The following PDXDC1 variants were observed in gnomAD, a reference collection of about 807,000 sequenced individuals.
PDXDC1 encodes pyridoxal-dependent decarboxylase domain-containing protein 1.
In PDXDC1, 42 loss-of-function variants were observed where a neutral mutation model predicts 100.1. The ratio of observed to expected loss-of-function variants is 0.42; its 90% CI spans 0.33 to 0.54. The LOEUF (loss-of-function observed/expected upper bound fraction) is 0.54. PDXDC1 is among the 20% of genes least tolerant of loss of function. The pLI, the probability that PDXDC1 is intolerant of heterozygous loss-of-function variation, is 0.10. For missense variants in PDXDC1, 636 were observed against 979.2 expected (o/e 0.65, Z 4.68); for synonymous variants, 260 against 371.7 (o/e 0.70, Z 3.46).
At chr16:15,003,820 T>C (rs992500761) in intron 4 of PDXDC1, among the ~76,000 whole-genome samples, 4 of 152,168 alleles carry the variant, frequency 2.6e-5, no homozygotes, top group Admixed American at 6.5e-5. Context: ...CCGTCTCTAC[T>C]AAAAATACAA....
At chr16:15,128,196 C>T in intron 16 of PDXDC1, 1 of 1,610,848 alleles carries the variant, frequency 6.2e-7, no homozygotes, top group South Asian at 1.1e-5. Flanking sequence ...GGCAGAGGGG[C>T]AGAGCTTGGC....
intron 16 of PDXDC1, among the ~76,000 whole-genome samples, chr16:15,078,112 A>G (rs1323053098): frequency 1.3e-5 from 2 of 152,188 alleles, no homozygotes; most frequent in East Asian, 3.8e-4. Flanking sequence ...CTTCTTTGTA[A>G]ACATTCTAAA....
intron 16 of PDXDC1, among the ~76,000 whole-genome samples, chr16:15,063,704 CAAAAAAA>C (rs10664930): frequency 3.4e-5 from 3 of 89,130 alleles, no homozygotes; most frequent in African/African-American, 1.5e-4. Context: ...GACTCTGTCT[CAAAAAAA>C]AAAAAAAAAA....
downstream of PDXDC1, chr16:15,040,472 GTGAACAC>G (rs1202312020): frequency 1.6e-5 from 3 of 185,682 alleles, no homozygotes; most frequent in African/African-American, 4.7e-5. Context: ...GAATAGAACA[GTGAACAC>G]TGTGTACCTA....
intron 16 of PDXDC1, among the ~76,000 whole-genome samples, chr16:15,062,576 G>T (rs2044757259): frequency 6.6e-6 from 1 of 152,202 alleles, no homozygotes; most frequent in South Asian, 2.1e-4. Context: ...TGGAGGGTAT[G>T]TTGCAACCTG....
chr16:15,025,294 T>C (rs2042506629), intron 13 of PDXDC1: 1 of 152,412 alleles, frequency 6.6e-6, no homozygotes, highest in South Asian at 2.1e-4. Context: ...CATAGCAGTC[T>C]TGGCACTCAC....
intron 1 of PDXDC1, among the ~76,000 whole-genome samples, chr16:14,995,811 A>G (rs1307325731): frequency 3.3e-5 from 5 of 152,288 alleles, no homozygotes; most frequent in Non-Finnish European, 5.9e-5. Flanking sequence ...TATTGCCACA[A>G]TTTCAGAGCC....
chr16:15,066,957 C>T (rs1033749547), intron 16 of PDXDC1, among the ~76,000 whole-genome samples: 7 of 152,064 alleles, frequency 4.6e-5, no homozygotes, highest in Admixed American at 2.6e-4. Flanking sequence ...ATGCAGTCCT[C>T]TGTCCCCACC....
chr16:15,134,042 T>A (rs377280734), intron 16 of PDXDC1: 91 of 1,566,240 alleles, frequency 5.8e-5, no homozygotes, highest in Non-Finnish European at 6.6e-5. Flanking sequence ...CCAGCACCAG[T>A]GTCTTGTTGC....
chr16:15,146,488 A>G, the PDXDC1 span, among the ~76,000 whole-genome samples: 2 of 152,120 alleles, frequency 1.3e-5, no homozygotes, highest in Admixed American at 1.3e-4. Flanking sequence ...CACGTCTCAC[A>G]CACACCAGAA....
intron 16 of PDXDC1, among the ~76,000 whole-genome samples, chr16:15,048,846 ACTC>A (rs932105349): frequency 2.9e-5 from 4 of 140,202 alleles, no homozygotes; most frequent in African/African-American, 1.1e-4. Context: ...CTGGTCTCAA[ACTC>A]CTGGGCTCAA....
intron 16 of PDXDC1, chr16:15,131,574 G>A: frequency 1.2e-6 from 2 of 1,607,924 alleles, no homozygotes; most frequent in East Asian, 4.5e-5. Context: ...GCACGCGGGA[G>A]CGCGTGAGGA....
chr16:15,033,255 A>G (rs2043175741), intron 18 of PDXDC1, 23 bp from the exon 19 acceptor site: 1 of 1,613,820 alleles, frequency 6.2e-7, no homozygotes, highest in Admixed American at 1.7e-5. Flanking sequence ...GAGAAACTCA[A>G]GTTTGTCTCG....
downstream of PDXDC1, among the ~76,000 whole-genome samples, chr16:15,038,953 G>A (rs191301032): frequency 9.2e-5 from 14 of 152,290 alleles, no homozygotes; most frequent in Admixed American, 9.2e-4. Context: ...AAAACTTGAG[G>A]CTCAGAGAAA....
rs1057502569 is a variant in PDXDC1 at position 15,052,700 on chromosome 16, G to A, written c.1399+22644G>A. ...AATACAAAAATTAGCCGGGCATGGTGGCAGATGTCTGATACTCAGGAGGCT... is the reference window on the plus strand; with the variant it reads ...AATACAAAAATTAGCCGGGCATGGTAGCAGATGTCTGATACTCAGGAGGCT... On this transcript the variant is annotated intron_variant, in intron 16 of 16. Transcript: ENST00000535621. 5.8e-4 allele frequency among the ~76,000 whole-genome samples: 88 copies of A among 152,190 alleles called. 1 individual carries two copies. The highest frequency in any genetic ancestry group is 2.1e-3 in the African/African-American group (87 of 41,524).
At chr16:14,992,978 A>G (rs138123889) in intron 1 of PDXDC1, among the ~76,000 whole-genome samples, 1,055 of 152,088 alleles carry the variant, frequency 6.9e-3, no homozygotes, top group African/African-American at 0.024. Flanking sequence ...CTGCCTCCCA[A>G]GTAGCTAGGT....
At chr16:14,998,610 G>A (rs1335692393) in intron 3 of PDXDC1, among the ~76,000 whole-genome samples, 1 of 152,244 alleles carries the variant, frequency 6.6e-6, no homozygotes, top group African/African-American at 2.4e-5. Context: ...CACCATATCT[G>A]GCTAATTTTT....
chr16:15,149,780 A>C, the PDXDC1 span, among the ~76,000 whole-genome samples: 6 of 152,208 alleles, frequency 3.9e-5, no homozygotes, highest in Admixed American at 3.3e-4. Flanking sequence ...GTGAGTGGCA[A>C]CCAGCACCAG....
At position 15,064,965 on chromosome 16, in the gene PDXDC1, G is replaced by C. The variant is rs530665593; in HGVS notation, c.1399+34909G>C. Among the ~76,000 whole-genome samples, 7 of 152,266 alleles carry C rather than the reference G, an allele frequency of 4.6e-5. No individual in the cohort carries two copies. In the East Asian group the frequency reaches 1.4e-3, roughly 29 times the overall value. On this transcript the variant is annotated intron_variant, in intron 16 of 16. Transcript: ENST00000535621. ...GCGGATCACGAGGTCAGGAGATCGA[G>C]AACATCCCGGCTAACACAGTCAAAC... is the stretch of plus-strand genomic sequence containing the variant.
Sources: allele counts gnomAD v4.1 joint callset (sites outside exome capture counted in the v4.1 genomes callset), GRCh38; gene constraint gnomAD v4.1.1; transcripts MANE v1.5; gene names NCBI Gene and HGNC (gene_info 2026-07-23, HGNC 2026-07-21).